Variants in GALNTL6 observed in about 807,000 individuals in gnomAD.
The protein encoded by GALNTL6 is polypeptide N-acetylgalactosaminyltransferase-like 6.
Under a neutral mutation model 73.7 loss-of-function variants are expected in GALNTL6, and 46 were observed. The observed-to-expected ratio is 0.62, with a 90% CI of 0.49 to 0.80. GALNTL6 has a LOEUF of 0.80. Ranked by LOEUF, GALNTL6 falls within the 30% of genes least tolerant of loss-of-function variation. The pLI is 0.00. For synonymous variants in GALNTL6, 259 were observed against 263.7 expected, an observed-to-expected ratio of 0.98 and a Z score of 0.17; for missense variants, 604 against 755.0, an observed-to-expected ratio of 0.80 and a Z score of 2.34.
chr4:172,670,694 C>T (rs1229596214), intron 5 of GALNTL6, among the ~76,000 whole-genome samples: 1 of 152,062 alleles, frequency 6.6e-6, no homozygotes, highest in African/African-American at 2.4e-5. Flanking sequence ...GTTGCAATTG[C>T]TTTTGGCATC....
At chr4:172,481,384 G>C (rs1030800900) in intron 5 of GALNTL6, among the ~76,000 whole-genome samples, 3 of 152,020 alleles carry the variant, frequency 2.0e-5, no homozygotes, top group Non-Finnish European at 2.9e-5. Flanking sequence ...ATTGCAAAGA[G>C]CAAAAGAGCA....
intron 2 of GALNTL6, among the ~76,000 whole-genome samples, chr4:171,948,292 G>A (rs373823020): frequency 6.6e-6 from 1 of 152,110 alleles, no homozygotes; most frequent in East Asian, 1.9e-4. Flanking sequence ...AGACTGAAAG[G>A]ACTTGATGTT....
At chr4:172,727,317 A>C (rs1219924538) in intron 5 of GALNTL6, among the ~76,000 whole-genome samples, 1 of 152,190 alleles carries the variant, frequency 6.6e-6, no homozygotes. Context: ...ACTTTCTCCC[A>C]TTCTAGTCTC....
chr4:172,149,200 T>C lies in GALNTL6; in HGVS notation c.139-80456T>C, dbSNP rs113735242. Among the ~76,000 whole-genome samples the C allele has an allele frequency of 4.7e-3, 717 of 152,332 alleles. 4 individuals are homozygous for C. Among genetic ancestry groups the C allele is most frequent in the African/African-American group, 0.014 (567 of 41,574 alleles). On this transcript the variant is annotated intron_variant, in intron 2 of 12. Transcript: ENST00000506823. The stretch of plus-strand genomic sequence containing the variant: ...AAAAATACATACACACATATACATA[T>C]AATATCCATTTTCAGTATATCTATA...
At chr4:172,230,248 G>C (rs1302619884) in intron 3 of GALNTL6, among the ~76,000 whole-genome samples, 1 of 152,178 alleles carries the variant, frequency 6.6e-6, no homozygotes, top group Admixed American at 6.5e-5. Context: ...CAATCAGGCA[G>C]TTAAACGGAA....
intron 10 of GALNTL6, among the ~76,000 whole-genome samples, chr4:172,976,884 A>T (rs1176657308): frequency 2.0e-5 from 3 of 152,250 alleles, no homozygotes; most frequent in African/African-American, 7.2e-5. Context: ...GCTGAGATCA[A>T]CACCAAAATA....
At position 172,269,842 on chromosome 4, in the gene GALNTL6, C is replaced by T. The variant is rs58628433; in HGVS notation, c.247+40078C>T. Among the ~76,000 whole-genome samples, 794 of 152,094 alleles carry T rather than the reference C, an allele frequency of 5.2e-3. 10 individuals carry two copies. The highest frequency in any genetic ancestry group is 0.018 in the African/African-American group (755 of 41,504). Reference sequence around the variant, plus strand: ...TTTCGGCTCACTGCAACCTCTGCCTCCTGGGTTCAAGAGATTCTCCTGCCT... The same window carrying T: ...TTTCGGCTCACTGCAACCTCTGCCTTCTGGGTTCAAGAGATTCTCCTGCCT... On this transcript the variant is annotated intron_variant, in intron 3 of 12. Coordinates refer to ENST00000506823, the MANE Select transcript of GALNTL6 (RefSeq NM_001034845.3).
intron 2 of GALNTL6, among the ~76,000 whole-genome samples, chr4:172,176,004 A>G (rs1301266128): frequency 2.0e-5 from 3 of 152,272 alleles, no homozygotes; most frequent in African/African-American, 7.2e-5. Flanking sequence ...ATGAAACTCA[A>G]ATCAATTAAT....
chr4:172,489,788 T>C (rs1405009477), intron 5 of GALNTL6, among the ~76,000 whole-genome samples: 2 of 152,220 alleles, frequency 1.3e-5, no homozygotes. Flanking sequence ...ATTTTACGGC[T>C]AACACACACT....
chr4:172,905,077 T>C (rs956618676), intron 8 of GALNTL6, among the ~76,000 whole-genome samples: 2 of 152,204 alleles, frequency 1.3e-5, no homozygotes, highest in Non-Finnish European at 2.9e-5. Flanking sequence ...ATTTGAGCCT[T>C]AACAAGGAAA....
chr4:172,591,690 T>C (rs1737641824), intron 5 of GALNTL6, among the ~76,000 whole-genome samples: 1 of 152,200 alleles, frequency 6.6e-6, no homozygotes, highest in Non-Finnish European at 1.5e-5. Flanking sequence ...GTTTGGCTTA[T>C]GGGAACTGAT....
chr4:172,399,162 A>G (rs1442249439), intron 5 of GALNTL6, among the ~76,000 whole-genome samples: 2 of 152,170 alleles, frequency 1.3e-5, no homozygotes, highest in Non-Finnish European at 2.9e-5. Flanking sequence ...TTAATGTGAA[A>G]TAGTTATATC....
At chr4:172,758,142 T>A (rs1308911748) in intron 5 of GALNTL6, among the ~76,000 whole-genome samples, 1 of 152,232 alleles carries the variant, frequency 6.6e-6, no homozygotes, top group Non-Finnish European at 1.5e-5. Context: ...CACATAAACA[T>A]CTATATATTC....
intron 10 of GALNTL6, among the ~76,000 whole-genome samples, chr4:172,988,087 C>A (rs1751375771): frequency 6.6e-6 from 1 of 152,116 alleles, no homozygotes; most frequent in African/African-American, 2.4e-5. Flanking sequence ...GAAGTTGGAA[C>A]AATTTGGAGG....
chr4:172,131,708 T>C (rs1200252516), intron 2 of GALNTL6, among the ~76,000 whole-genome samples: 2 of 151,826 alleles, frequency 1.3e-5, no homozygotes, highest in Non-Finnish European at 2.9e-5. Context: ...AGCTGTAGAT[T>C]CTTTGGGTGT....
chr4:171,985,170 A>T (rs1358526544), intron 2 of GALNTL6, among the ~76,000 whole-genome samples: 1 of 152,150 alleles, frequency 6.6e-6, no homozygotes, highest in African/African-American at 2.4e-5. Context: ...CACACCACTG[A>T]TAAAGATATG....
intron 7 of GALNTL6, among the ~76,000 whole-genome samples, chr4:172,825,078 T>TTTTTC (rs1553992659): frequency 2.8e-5 from 3 of 105,626 alleles, no homozygotes; most frequent in Middle Eastern, 4.5e-3. Context: ...TTTGGTTATC[T>TTTTTC]TTTCTTTCTT....
chr4:172,642,216 G>A (rs1305579266), intron 5 of GALNTL6, among the ~76,000 whole-genome samples: 2 of 151,870 alleles, frequency 1.3e-5, no homozygotes, highest in Non-Finnish European at 2.9e-5. Flanking sequence ...TCCAGCAATT[G>A]CAACACTGGG....
At chr4:172,159,914 G>A (rs1734400102) in intron 2 of GALNTL6, among the ~76,000 whole-genome samples, 1 of 152,176 alleles carries the variant, frequency 6.6e-6, no homozygotes, top group Non-Finnish European at 1.5e-5. Flanking sequence ...ATTGGTCTAA[G>A]AAGCTGGCAG....
Sources: allele counts gnomAD v4.1 joint callset (sites outside exome capture counted in the v4.1 genomes callset), GRCh38; gene constraint gnomAD v4.1.1; transcripts MANE v1.5; gene names NCBI Gene and HGNC (gene_info 2026-07-23, HGNC 2026-07-21).